Variants in XRN2 observed in about 807,000 individuals in gnomAD.
The protein encoded by XRN2 is DHM1-like protein.
XRN2 carries 44 observed loss-of-function variants against 138.5 expected under a neutral mutation model. The observed-to-expected ratio is 0.32, with a 90% confidence interval of 0.25 to 0.41. The LOEUF (loss-of-function observed/expected upper bound fraction) is 0.41. XRN2 is among the 10% of genes least tolerant of loss of function. The probability of loss-of-function intolerance (pLI) is 1.00; values close to 1 mark genes in which losing one functional copy is unlikely to be tolerated. For missense variants in XRN2, 937 were observed against 1,169.3 expected (o/e 0.80, Z 2.90); for synonymous variants, 354 against 369.4 (o/e 0.96, Z 0.48).
At chr20:21,312,516 A>G (rs2037895753) in intron 1 of XRN2, among the ~76,000 whole-genome samples, 1 of 151,856 alleles carries the variant, frequency 6.6e-6, no homozygotes, top group Non-Finnish European at 1.5e-5. Flanking sequence ...GCAGTCCTCC[A>G]TTTATCAGCT....
intron 3 of XRN2, 140 bp from the exon 4 acceptor site, chr20:21,328,419 T>C (rs1030684310): frequency 1.1e-5 from 9 of 828,566 alleles, no homozygotes. Context: ...GTATCTGTCA[T>C]GAAAGGATTA....
At chr20:21,357,889 G>A in intron 24 of XRN2, 97 bp downstream of exon 24, 1 of 1,021,700 alleles carries the variant, frequency 9.8e-7, no homozygotes, top group South Asian at 1.8e-5. Context: ...AATGGCAGCT[G>A]TTAATCCACC....
chr20:21,367,925 C>T (rs886892517), intron 26 of XRN2, among the ~76,000 whole-genome samples: 1 of 152,074 alleles, frequency 6.6e-6, no homozygotes, highest in African/African-American at 2.4e-5. Flanking sequence ...TTTAGATGAG[C>T]ATAATTATAT....
chr20:21,319,156 T>G (rs771218964), intron 1 of XRN2, among the ~76,000 whole-genome samples: 1 of 152,170 alleles, frequency 6.6e-6, no homozygotes, highest in Non-Finnish European at 1.5e-5. Flanking sequence ...CAGTAACATT[T>G]TTTTATTTGT....
chr20:21,319,792 G>A (rs551718914), intron 1 of XRN2, among the ~76,000 whole-genome samples: 5 of 151,774 alleles, frequency 3.3e-5, no homozygotes, highest in South Asian at 2.1e-4. Flanking sequence ...TTACTTTACC[G>A]TCTGTAGCCA....
rs192170583 is a variant in XRN2 at position 21,359,107 on chromosome 20, C to T, written c.2255+1315C>T. Among the ~76,000 whole-genome samples the T allele has an allele frequency of 3.3e-5, 5 of 152,286 alleles. No individual in the cohort carries two copies. In the East Asian group the frequency reaches 9.6e-4, roughly 29 times the overall value. ...TCTAATTAGGATAGAGAGGCTTGCCCAGAGGAGAGTTACAGAGTTAATGGA... is the reference window on the plus strand; with the variant it reads ...TCTAATTAGGATAGAGAGGCTTGCCTAGAGGAGAGTTACAGAGTTAATGGA... On this transcript the variant is annotated intron_variant, in intron 24 of 29. Transcript: ENST00000377191.
Position 21,354,766 on chromosome 20 carries a change from T to A in XRN2, c.1937-23T>A, listed in dbSNP as rs1293502024. The stretch of plus-strand genomic sequence containing the variant: ...TGGGTGATCCTGGTAGCAGGGGTGG[T>A]TCATTTGCACTTGTTTTTTCAGGTG... On this transcript the variant is annotated intron_variant, in intron 20 of 29. Transcript: ENST00000377191. 5.0e-6 allele frequency: 8 copies of A among 1,611,870 alleles called. No homozygotes were observed. The Admixed American group carries it at 6.7e-5, about 13-fold the overall frequency.
At chr20:21,333,017 GA>G (rs1356098479) in intron 9 of XRN2, among the ~76,000 whole-genome samples, 1 of 152,078 alleles carries the variant, frequency 6.6e-6, no homozygotes, top group Non-Finnish European at 1.5e-5. Context: ...TATGCTTTTT[GA>G]GGGGGGAAAA....
At chr20:21,354,644 C>G (rs1276989650) in intron 20 of XRN2, 145 bp from the exon 21 acceptor site, 6 of 639,688 alleles carry the variant, frequency 9.4e-6, no homozygotes, top group Non-Finnish European at 1.3e-5. Flanking sequence ...TGAGTTTTGG[C>G]TTAATGAGAC....
At chr20:21,363,474 A>G (rs1172438675) in intron 24 of XRN2, among the ~76,000 whole-genome samples, 2 of 152,134 alleles carry the variant, frequency 1.3e-5, no homozygotes, top group Non-Finnish European at 2.9e-5. Flanking sequence ...ATCCTCTTAA[A>G]CCTTTATCAC....
intron 1 of XRN2, among the ~76,000 whole-genome samples, chr20:21,314,195 T>C (rs1388703774): frequency 2.0e-5 from 3 of 152,092 alleles, no homozygotes; most frequent in African/African-American, 7.2e-5. Flanking sequence ...AATATGGTCG[T>C]TTCTGGCTGG....
intron 9 of XRN2, 31 bp from the exon 10 acceptor site, chr20:21,333,513 A>T (rs770885224): frequency 1.9e-6 from 3 of 1,604,806 alleles, no homozygotes. Flanking sequence ...CGTAGAGTAG[A>T]CTTGTTTCAT....
intron 29 of XRN2, among the ~76,000 whole-genome samples, chr20:21,388,015 A>T (rs1237117900): frequency 6.6e-6 from 1 of 152,234 alleles, no homozygotes; most frequent in Non-Finnish European, 1.5e-5. Context: ...CTTTCAGCCC[A>T]GGACCTCTAA....
chr20:21,324,178 C>T (rs569651530), intron 1 of XRN2, among the ~76,000 whole-genome samples: 12 of 152,030 alleles, frequency 7.9e-5, no homozygotes, highest in Non-Finnish European at 1.3e-4. Flanking sequence ...TTTTCTTTAC[C>T]ACTTATTCCA....
At chr20:21,375,503 A>T (rs1285541787) in intron 27 of XRN2, among the ~76,000 whole-genome samples, 1 of 151,940 alleles carries the variant, frequency 6.6e-6, no homozygotes, top group Non-Finnish European at 1.5e-5. Context: ...CATATTTATT[A>T]TCATTTAGTT....
At chr20:21,343,500 C>G (rs2122239851) in intron 15 of XRN2, among the ~76,000 whole-genome samples, 1 of 151,802 alleles carries the variant, frequency 6.6e-6, no homozygotes, top group South Asian at 2.1e-4. Flanking sequence ...TTTAAGTTAT[C>G]TAACACAGTC....
chr20:21,322,785 T>G (rs2038064269), intron 1 of XRN2, among the ~76,000 whole-genome samples: 1 of 152,250 alleles, frequency 6.6e-6, no homozygotes, highest in South Asian at 2.1e-4. Flanking sequence ...ACAAATATAA[T>G]GATATCCCAA....
In XRN2 at chr20:21,331,575, T is replaced by C. The variant is rs781094835; in HGVS notation, c.591T>C (p.Asp197=). Residue 197 remains aspartate (D), a synonymous_variant, in exon 7 of 30, where the codon GAT becomes GAC. Coordinates refer to ENST00000377191, the MANE Select transcript of XRN2 (RefSeq NM_012255.5). ...TTTTTTTATAGGTTATTTTATCTGA[T>C]GCTAGTGCTCCTGGTGAAGGAGAAC... ...GWKNLTVILS[D]ASAPGEGEHK... is the part of the protein sequence containing the mutation. 1 of 1,612,212 alleles carries C rather than the reference T, an allele frequency of 6.2e-7. No individual in the cohort carries two copies. Among genetic ancestry groups the C allele is most frequent in the South Asian group, 1.1e-5 (1 of 90,694 alleles).
At chr20:21,330,583 G>C (rs1470558702) in intron 5 of XRN2, 33 bp from the exon 6 acceptor site, 1 of 1,613,566 alleles carries the variant, frequency 6.2e-7, no homozygotes, top group Admixed American at 1.7e-5. Flanking sequence ...ACTCTTAAAT[G>C]ATAGGTTAAT....
Sources: gnomAD v4.1 joint callset for allele counts (sites outside exome capture counted in the v4.1 genomes callset) on GRCh38, gnomAD v4.1.1 for gene constraint, MANE v1.5 for transcripts, NCBI Gene and HGNC (gene_info 2026-07-23, HGNC 2026-07-21) for gene names.